CGNL1: variants seen among roughly 807,000 people sequenced by gnomAD.
CGNL1 encodes the protein cingulin like 1.
Under a neutral mutation model 141.2 loss-of-function variants are expected in CGNL1, and 132 were observed. The observed-to-expected ratio is 0.93, with a 90% CI of 0.81 to 1.08. The LOEUF (loss-of-function observed/expected upper bound fraction) is 1.08. Among genes scored for constraint, CGNL1 ranks in the 50% least tolerant of loss-of-function variants. CGNL1 has a pLI of 0.00. For synonymous variants in CGNL1, 690 were observed against 622.1 expected (o/e 1.11, Z -1.63); for missense variants, 1,870 against 1,588.6 (o/e 1.18, Z -3.01).
chr15:57,459,734 C>T (rs983601000), intron 7 of CGNL1, among the ~76,000 whole-genome samples: 1 of 152,144 alleles, frequency 6.6e-6, no homozygotes, highest in Non-Finnish European at 1.5e-5. Flanking sequence ...TTATGAGAGA[C>T]TAGGACGAGA....
intron 1 of CGNL1, among the ~76,000 whole-genome samples, chr15:57,414,931 A>G (rs1048621582): frequency 3.9e-5 from 6 of 152,200 alleles, no homozygotes; most frequent in Admixed American, 6.5e-5. Context: ...GGGGTGAGAG[A>G]GAATGGGCAT....
chr15:57,442,182 GAAA>G (rs61564944), intron 3 of CGNL1, among the ~76,000 whole-genome samples, 188 bp from the exon 4 acceptor site: 37,629 of 96,526 alleles, frequency 0.39, 7,410 homozygotes, highest in Middle Eastern at 0.51. Flanking sequence ...TCATTTATTT[GAAA>G]AAAAAAAAAA....
At chr15:57,526,185 A>C (rs538542089) in intron 12 of CGNL1, among the ~76,000 whole-genome samples, 32 of 151,506 alleles carry the variant, frequency 2.1e-4, no homozygotes, top group African/African-American at 2.4e-4. Flanking sequence ...CAAAACAAAA[A>C]AAAAAAAGGA....
At chr15:57,524,545 C>T in intron 11 of CGNL1, 36 bp from the exon 12 acceptor site, 1 of 1,584,890 alleles carries the variant, frequency 6.3e-7, no homozygotes, top group Non-Finnish European at 8.6e-7. Flanking sequence ...CTCAGAGCAT[C>T]CCAGGGTGGG....
intron 1 of CGNL1, among the ~76,000 whole-genome samples, 155 bp downstream of exon 1, chr15:57,376,722 C>T (rs778531982): frequency 6.6e-6 from 1 of 151,374 alleles, no homozygotes; most frequent in Admixed American, 6.6e-5. Context: ...TGACCCGCGC[C>T]GCGCGTGTCC....
chr15:57,416,336 GTT>G (rs1343973591), intron 1 of CGNL1, among the ~76,000 whole-genome samples: 1 of 151,740 alleles, frequency 6.6e-6, no homozygotes, highest in Admixed American at 6.6e-5. Context: ...CTCACTGCTT[GTT>G]TAGGCAGAAG....
At chr15:57,457,420 G>A (rs554154079) in intron 7 of CGNL1, among the ~76,000 whole-genome samples, 18 of 152,264 alleles carry the variant, frequency 1.2e-4, no homozygotes, top group Admixed American at 2.0e-4. Flanking sequence ...TTCAGGCTCT[G>A]GTTGCTTTTC....
chr15:57,540,299 A>G (rs2032495698), intron 14 of CGNL1, among the ~76,000 whole-genome samples: 1 of 152,232 alleles, frequency 6.6e-6, no homozygotes, highest in Non-Finnish European at 1.5e-5. Flanking sequence ...AGTTCAGCAT[A>G]GCTGGGGAGG....
rs56793548 is a variant in CGNL1, at chr15:57,498,245, G to GTTTTTTTTTTT, written c.2404-18525_2404-18515dup. ...CATACTTAGGTTGATTGGGGAAACA[G>GTTTTTTTTTTT]TTTTTTTTTTTTTTTTTTTTGGAGA... is the stretch of plus-strand genomic sequence containing the variant. On this transcript the variant is annotated intron_variant, in intron 8 of 18. Coordinates refer to ENST00000281282, the MANE Select transcript of CGNL1 (RefSeq NM_032866.5). 8.5e-4 allele frequency among the ~76,000 whole-genome samples: 86 copies of GTTTTTTTTTTT among 101,072 alleles called. 4 individuals are homozygous for GTTTTTTTTTTT. The East Asian group carries it at 0.018, about 21-fold the overall frequency. 66.3% of individuals were successfully genotyped at this position (101,072 alleles called of 152,430 possible). A position where few individuals can be genotyped will look rare whatever the true frequency, so the allele number is the denominator to read the frequency against.
intron 1 of CGNL1, among the ~76,000 whole-genome samples, chr15:57,384,847 C>T (rs2062464799): frequency 6.6e-6 from 1 of 152,190 alleles, no homozygotes; most frequent in African/African-American, 2.4e-5. Flanking sequence ...TGTATTTCCT[C>T]TGTCTCTAGC....
intron 1 of CGNL1, among the ~76,000 whole-genome samples, chr15:57,391,518 A>C (rs2062543002): frequency 2.0e-5 from 3 of 152,202 alleles, no homozygotes; most frequent in African/African-American, 4.8e-5. Context: ...TGAGTGTGGG[A>C]TTATAAATTC....
intron 14 of CGNL1, among the ~76,000 whole-genome samples, chr15:57,536,496 G>C (rs1430983725): frequency 6.6e-6 from 1 of 152,150 alleles, no homozygotes; most frequent in Non-Finnish European, 1.5e-5. Flanking sequence ...ATTTGGAGTT[G>C]ATAAAATGAT....
chr15:57,477,259 G>T (rs1298649075), intron 8 of CGNL1, among the ~76,000 whole-genome samples: 1 of 152,186 alleles, frequency 6.6e-6, no homozygotes, highest in Admixed American at 6.5e-5. Context: ...TCAGGGAGAC[G>T]TGGTGCAGGA....
intron 7 of CGNL1, among the ~76,000 whole-genome samples, chr15:57,458,926 C>G (rs12161931): frequency 0.073 from 11,111 of 152,246 alleles, 737 homozygotes; most frequent in East Asian, 0.32. Flanking sequence ...TGGGCAAAAT[C>G]TTAGTCTGTG....
chr15:57,470,931 A>G (rs1415111435), intron 8 of CGNL1, among the ~76,000 whole-genome samples: 1 of 152,216 alleles, frequency 6.6e-6, no homozygotes. Context: ...ATACTTAAGA[A>G]TTAGAAAGAA....
chr15:57,546,765 G>A (rs1008611851), intron 18 of CGNL1, among the ~76,000 whole-genome samples: 2 of 152,130 alleles, frequency 1.3e-5, no homozygotes, highest in Non-Finnish European at 2.9e-5. Flanking sequence ...CTCTCCCCGG[G>A]GTATGAGGTA....
At chr15:57,470,867 G>C (rs1213361832) in intron 8 of CGNL1, among the ~76,000 whole-genome samples, 1 of 152,208 alleles carries the variant, frequency 6.6e-6, no homozygotes, top group Non-Finnish European at 1.5e-5. Flanking sequence ...ATTCAGGTGA[G>C]AAATAGCATG....
Position 57,438,479 on chromosome 15 carries a change from T to G in CGNL1, c.480T>G (p.Asn160Lys), listed in dbSNP as rs1393384941. The G allele has an allele frequency of 2.5e-6, 4 of 1,614,172 alleles. No individual in the cohort carries two copies. The African/African-American group carries it at 5.3e-5, about 22-fold the overall frequency. The change falls in exon 2 of 19, where the codon AAT becomes AAG. Residue 160 changes from asparagine (N) to lysine (K), a missense_variant. By Grantham distance (94) the Asn-to-Lys change is moderately conservative (BLOSUM62 0). Coordinates refer to ENST00000281282, the MANE Select transcript of CGNL1 (RefSeq NM_032866.5). ...ELLQPYDPEK[N>K]ELNLQNHQPS... is the part of the protein sequence containing the mutation. ...TGCAACCCTATGACCCTGAAAAGAA[T>G]GAGTTGAATTTACAAAATCACCAGC...
intron 8 of CGNL1, among the ~76,000 whole-genome samples, chr15:57,501,187 G>GT (rs1353103703): frequency 1.3e-5 from 2 of 152,188 alleles, no homozygotes; most frequent in African/African-American, 4.8e-5. Flanking sequence ...TCCTGGTGTG[G>GT]TTTTCAGCCT....
Sources: gnomAD v4.1 joint callset for allele counts (sites outside exome capture counted in the v4.1 genomes callset) on GRCh38, gnomAD v4.1.1 for gene constraint, MANE v1.5 for transcripts, NCBI Gene and HGNC (gene_info 2026-07-23, HGNC 2026-07-21) for gene names.